Variants in CHRM3 observed in about 807,000 individuals in gnomAD.
CHRM3 encodes the protein cholinergic receptor muscarinic 3.
Under a neutral mutation model 41.8 loss-of-function variants are expected in CHRM3, and 11 were observed. The ratio of observed to expected loss-of-function variants is 0.26; its 90% CI spans 0.17 to 0.44. CHRM3 has a LOEUF of 0.44. Ranked by LOEUF, CHRM3 falls within the 20% of genes least tolerant of loss-of-function variation. CHRM3 has a pLI of 1.00. For missense variants in CHRM3, 571 were observed against 745.4 expected (o/e 0.77, Z 2.72); for synonymous variants, 297 against 301.4 (o/e 0.99, Z 0.15).
At chr1:239,554,874 C>T (rs1028953658) in intron 3 of CHRM3, among the ~76,000 whole-genome samples, 1 of 151,772 alleles carries the variant, frequency 6.6e-6, no homozygotes, top group Admixed American at 6.6e-5. Context: ...GGACTACAGG[C>T]ACGTGCCACC....
At chr1:239,852,008 C>T (rs10925994) in intron 6 of CHRM3, among the ~76,000 whole-genome samples, 12,873 of 151,964 alleles carry the variant, frequency 0.085, 829 homozygotes, top group East Asian at 0.33. Context: ...TTGTGGGCAT[C>T]GTGATGTTTG....
chr1:239,719,418 G>C (rs1662713457), intron 5 of CHRM3: 1 of 151,890 alleles, frequency 6.6e-6, no homozygotes, highest in Admixed American at 6.6e-5. Context: ...CAGTTTCAGG[G>C]GGCAGTTCTA....
Position 239,580,689 on chromosome 1 carries a change from T to TTATATATATATATATATATATATATA in CHRM3, c.-313+34956_-313+34957insTATATATATATATATATATATATATA, listed in dbSNP as rs1165930612. On this transcript the variant is annotated intron_variant, in intron 3 of 6. Transcript: ENST00000676153. ...GCCACTCAGGCTACTTTGCCCAATT[T>TTATATATATATATATATATATATATA]TATATATATATATATACACACACAC... Among the ~76,000 whole-genome samples, 150 of 64,892 alleles carry TTATATATATATATATATATATATATA rather than the reference T, an allele frequency of 2.3e-3. 1 individual carries two copies. The highest frequency in any genetic ancestry group is 7.6e-3 in the Admixed American group (34 of 4,472). 42.6% of individuals were successfully genotyped at this position (64,892 alleles called of 152,430 possible).
intron 3 of CHRM3, chr1:239,546,109 G>A (rs186247473): frequency 5.9e-5 from 9 of 152,134 alleles, no homozygotes; most frequent in African/African-American, 1.7e-4. Flanking sequence ...ACTTTTTACC[G>A]AGTTTATGCT....
chr1:239,534,659 A>ATTAT (rs1572632570), intron 2 of CHRM3, among the ~76,000 whole-genome samples: 2 of 152,240 alleles, frequency 1.3e-5, no homozygotes, highest in East Asian at 1.9e-4. Context: ...AAATTTGGCC[A>ATTAT]AATCCAACCT....
rs543208176 is a variant in CHRM3 at position 239,666,137 on chromosome 1, A to G, written c.-249-12049A>G. On this transcript the variant is annotated intron_variant, in intron 4 of 6. Transcript: ENST00000676153. ...TGAACTAATTTACACTCCCACTAAC[A>G]GTGTAAAAGCATTCCTATTTCTCCA... is the stretch of plus-strand genomic sequence containing the variant. 1.7e-4 allele frequency among the ~76,000 whole-genome samples: 26 copies of G among 151,742 alleles called. No homozygotes were observed. In the South Asian group the frequency reaches 5.4e-3, roughly 32 times the overall value.
chr1:239,496,597 C>T (rs891413525), intron 2 of CHRM3, among the ~76,000 whole-genome samples: 5 of 151,174 alleles, frequency 3.3e-5, no homozygotes, highest in Non-Finnish European at 7.4e-5. Flanking sequence ...TTGTCTCATT[C>T]ATCTCCAGAT....
intron 3 of CHRM3, among the ~76,000 whole-genome samples, chr1:239,574,826 CTCT>C (rs1322224180): frequency 6.6e-6 from 1 of 151,312 alleles, no homozygotes; most frequent in Non-Finnish European, 1.5e-5. Context: ...CTTCCTCCTC[CTCT>C]TCTTATTTTC....
At chr1:239,444,013 G>A (rs747208434) in intron 1 of CHRM3, among the ~76,000 whole-genome samples, 4 of 152,116 alleles carry the variant, frequency 2.6e-5, no homozygotes, top group Non-Finnish European at 4.4e-5. Context: ...TAGGCTGTGA[G>A]GTGTCTGCTC....
At chr1:239,680,456 G>C (rs1658447892) in intron 5 of CHRM3, among the ~76,000 whole-genome samples, 1 of 152,030 alleles carries the variant, frequency 6.6e-6, no homozygotes, top group Admixed American at 6.6e-5. Flanking sequence ...TAGGCCAAAA[G>C]TAATTCACAA....
intron 1 of CHRM3, among the ~76,000 whole-genome samples, chr1:239,433,077 T>G (rs1188140518): frequency 2.0e-5 from 3 of 152,142 alleles, no homozygotes; most frequent in Non-Finnish European, 4.4e-5. Context: ...TCTCCTCCTA[T>G]CCATGTTTCC....
intron 3 of CHRM3, among the ~76,000 whole-genome samples, chr1:239,580,704 T>TATATATATATATATATATATATACAC (rs570878631): frequency 2.3e-5 from 3 of 131,086 alleles, no homozygotes; most frequent in African/African-American, 8.6e-5. Flanking sequence ...TATATATATA[T>TATATATATATATATATATATATACAC]ACACACACAC....
chr1:239,556,920 T>C (rs1660419666), intron 3 of CHRM3, among the ~76,000 whole-genome samples: 1 of 152,152 alleles, frequency 6.6e-6, no homozygotes, highest in Non-Finnish European at 1.5e-5. Context: ...TGAATGATGC[T>C]TCTACGTATT....
chr1:239,427,148 T>C (rs1279246469), intron 1 of CHRM3, among the ~76,000 whole-genome samples: 1 of 152,160 alleles, frequency 6.6e-6, no homozygotes, highest in Non-Finnish European at 1.5e-5. Flanking sequence ...CCTGTGGTAG[T>C]AATTAAAGCT....
chr1:239,900,684 AGAGG>A (rs1235191770), intron 6 of CHRM3, among the ~76,000 whole-genome samples: 6 of 152,298 alleles, frequency 3.9e-5, no homozygotes, highest in Non-Finnish European at 7.4e-5. Flanking sequence ...TGTGCTCAGA[AGAGG>A]TATGGCAGGT....
At chr1:239,597,594 A>C (rs1379856384) in intron 3 of CHRM3, among the ~76,000 whole-genome samples, 1 of 152,112 alleles carries the variant, frequency 6.6e-6, no homozygotes, top group Non-Finnish European at 1.5e-5. Context: ...ATATCATTAC[A>C]ATACTAACTT....
At chr1:239,669,598 C>T (rs1273914498) in intron 4 of CHRM3, among the ~76,000 whole-genome samples, 1 of 151,996 alleles carries the variant, frequency 6.6e-6, no homozygotes, top group African/African-American at 2.4e-5. Flanking sequence ...CTGAAAGGGA[C>T]TGTTGACTAA....
intron 5 of CHRM3, among the ~76,000 whole-genome samples, chr1:239,685,137 A>G (rs946631762): frequency 2.0e-5 from 3 of 152,054 alleles, no homozygotes; most frequent in African/African-American, 7.2e-5. Flanking sequence ...TTCATGACAC[A>G]TGTTATGGCT....
intron 5 of CHRM3, among the ~76,000 whole-genome samples, chr1:239,762,600 C>G (rs914719494): frequency 2.0e-5 from 3 of 152,084 alleles, no homozygotes; most frequent in African/African-American, 4.8e-5. Flanking sequence ...TCTGCTTTCT[C>G]CCCTGTAGTT....
Sources: allele counts gnomAD v4.1 joint callset (sites outside exome capture counted in the v4.1 genomes callset), GRCh38; gene constraint gnomAD v4.1.1; transcripts MANE v1.5; gene names NCBI Gene and HGNC (gene_info 2026-07-23, HGNC 2026-07-21).